Variants in RIMS2 observed in about 807,000 individuals in gnomAD.
The protein encoded by RIMS2 is regulating synaptic membrane exocytosis protein 2.
RIMS2 carries 59 observed loss-of-function variants against 174.4 expected under a neutral mutation model. That is an observed-to-expected ratio of 0.34 (90% CI 0.27 to 0.42). RIMS2 has a LOEUF of 0.42. RIMS2 is among the 10% of genes least tolerant of loss of function. The pLI is 1.00. For missense variants in RIMS2, 1,620 were observed against 1,666.3 expected, an observed-to-expected ratio of 0.97 and a Z score of 0.48; for synonymous variants, 606 against 572.5, an observed-to-expected ratio of 1.06 and a Z score of -0.84.
At chr8:103,547,885 C>G (rs1371328127) in intron 1 of RIMS2, among the ~76,000 whole-genome samples, 1 of 152,160 alleles carries the variant, frequency 6.6e-6, no homozygotes, top group Non-Finnish European at 1.5e-5. Flanking sequence ...ATGAACACCT[C>G]TATGCACACA....
intron 4 of RIMS2, among the ~76,000 whole-genome samples, chr8:103,896,139 A>G (rs2099276369): frequency 6.6e-6 from 1 of 151,548 alleles, no homozygotes; most frequent in African/African-American, 2.4e-5. Flanking sequence ...CTTCCTGTCA[A>G]ATTTCTGACT....
chr8:103,878,052 G>A (rs1196591333), intron 3 of RIMS2, among the ~76,000 whole-genome samples: 2 of 151,708 alleles, frequency 1.3e-5, no homozygotes, highest in Admixed American at 6.6e-5. Flanking sequence ...GATTTATGGC[G>A]GTGGTTTCTC....
chr8:103,645,856 A>G (rs2096317742), intron 1 of RIMS2, among the ~76,000 whole-genome samples: 1 of 152,182 alleles, frequency 6.6e-6, no homozygotes. Flanking sequence ...TATTAATTTC[A>G]TACACGTCCA....
intron 3 of RIMS2, among the ~76,000 whole-genome samples, chr8:103,834,300 T>G (rs1309818201): frequency 6.7e-6 from 1 of 150,300 alleles, no homozygotes; most frequent in East Asian, 1.9e-4. Flanking sequence ...TTTTATTTTT[T>G]GTAAATTAAA....
intron 14 of RIMS2, among the ~76,000 whole-genome samples, chr8:103,958,480 A>G (rs1033418255): frequency 6.6e-6 from 1 of 152,166 alleles, no homozygotes; most frequent in African/African-American, 2.4e-5. Context: ...GGGTGATGAA[A>G]TATTCTGTAA....
chr8:103,956,333 C>A (rs1176922180), intron 14 of RIMS2, among the ~76,000 whole-genome samples: 1 of 152,132 alleles, frequency 6.6e-6, no homozygotes, highest in African/African-American at 2.4e-5. Context: ...AGGCACCACG[C>A]TACCTGACTT....
intron 3 of RIMS2, among the ~76,000 whole-genome samples, chr8:103,861,485 GGGTAGACACCCAGTAGTGCGATTGCT>G (rs1336646185): frequency 6.6e-6 from 1 of 151,984 alleles, no homozygotes; most frequent in Non-Finnish European, 1.5e-5. Context: ...ATTTTCGTCT[GGGTAGACACCCAGTAGTGCGATTGCT>G]GGGTTGATGG....
intron 1 of RIMS2, among the ~76,000 whole-genome samples, chr8:103,654,332 G>T (rs1432013458): frequency 6.6e-6 from 1 of 151,860 alleles, no homozygotes; most frequent in African/African-American, 2.4e-5. Flanking sequence ...AAACACAAAA[G>T]AAATCACTTT....
intron 1 of RIMS2, among the ~76,000 whole-genome samples, chr8:103,621,755 C>G (rs1185175634): frequency 1.4e-4 from 22 of 152,154 alleles, no homozygotes. Flanking sequence ...GCTTGGCACA[C>G]AGTAAATATT....
intron 3 of RIMS2, among the ~76,000 whole-genome samples, chr8:103,801,031 C>T (rs950756199): frequency 1.3e-5 from 2 of 151,932 alleles, no homozygotes; most frequent in Admixed American, 6.6e-5. Flanking sequence ...CTTGCTTTGT[C>T]GCCCAGGCTG....
At chr8:104,099,115 T>C (rs1172109444) in intron 19 of RIMS2, among the ~76,000 whole-genome samples, 1 of 152,204 alleles carries the variant, frequency 6.6e-6, no homozygotes, top group African/African-American at 2.4e-5. Context: ...TTGCCTTTAT[T>C]ATCATAAATT....
At chr8:103,857,611 A>G (rs199729283) in intron 3 of RIMS2, among the ~76,000 whole-genome samples, 1,752 of 111,818 alleles carry the variant, frequency 0.016, 22 homozygotes, top group South Asian at 0.062. Context: ...TTGATCATTA[A>G]TTCCCCATGA....
intron 6 of RIMS2, 141 bp from the exon 10 acceptor site, chr8:103,915,354 A>G: frequency 2.1e-6 from 1 of 477,926 alleles, no homozygotes; most frequent in South Asian, 4.5e-5. Flanking sequence ...TAGAGACAAT[A>G]AATTATTTAA....
At chr8:104,114,834 A>G (rs924503364) in intron 19 of RIMS2, among the ~76,000 whole-genome samples, 6 of 151,990 alleles carry the variant, frequency 3.9e-5, no homozygotes, top group Non-Finnish European at 8.8e-5. Flanking sequence ...TTTTTCATCT[A>G]CATTAATGTA....
At chr8:104,150,573 G>A (rs781085456) in intron 19 of RIMS2, among the ~76,000 whole-genome samples, 1 of 152,150 alleles carries the variant, frequency 6.6e-6, no homozygotes, top group Non-Finnish European at 1.5e-5. Flanking sequence ...AGTGACTCAA[G>A]TGGCTGCTAA....
chr8:103,622,438 T>C (rs1466831432), intron 1 of RIMS2, among the ~76,000 whole-genome samples: 5 of 152,206 alleles, frequency 3.3e-5, no homozygotes, highest in East Asian at 1.9e-4. Flanking sequence ...AGTATTTCAA[T>C]GAGAGTGTCA....
chr8:103,862,169 G>A (rs969831443), intron 3 of RIMS2, among the ~76,000 whole-genome samples: 16 of 151,960 alleles, frequency 1.1e-4, no homozygotes, highest in Non-Finnish European at 1.6e-4. Context: ...GAGAGAGAGG[G>A]ATTCAGTTTC....
At chr8:103,659,855 G>A (rs2096576011) in intron 1 of RIMS2, among the ~76,000 whole-genome samples, 1 of 152,248 alleles carries the variant, frequency 6.6e-6, no homozygotes, top group African/African-American at 2.4e-5. Context: ...TCAACAAGTT[G>A]TAATGCAGTG....
At chr8:104,045,568 G>T (rs1244632422) in intron 19 of RIMS2, among the ~76,000 whole-genome samples, 1 of 151,774 alleles carries the variant, frequency 6.6e-6, no homozygotes, top group East Asian at 1.9e-4. Context: ...CTGATTTAGA[G>T]CATCTGACAA....
Sources: allele counts gnomAD v4.1 joint callset (sites outside exome capture counted in the v4.1 genomes callset), GRCh38; gene constraint gnomAD v4.1.1; transcripts MANE v1.5; gene names NCBI Gene and HGNC (gene_info 2026-07-23, HGNC 2026-07-21).